TRIM2: variants seen among roughly 807,000 people sequenced by gnomAD.
TRIM2 encodes tripartite motif containing 2, also known as tripartite motif-containing protein 2.
A neutral mutation model predicts 75.2 loss-of-function variants in TRIM2; 20 were observed. The observed-to-expected ratio is 0.27, with a 90% confidence interval of 0.19 to 0.39. TRIM2 has a LOEUF of 0.39. Among genes scored for constraint, TRIM2 ranks in the 10% least tolerant of loss-of-function variants. The pLI, the probability that TRIM2 is intolerant of heterozygous loss-of-function variation, is 1.00. For synonymous variants in TRIM2, 373 were observed against 388.3 expected, an observed-to-expected ratio of 0.96 and a Z score of 0.46; for missense variants, 660 against 990.8, an observed-to-expected ratio of 0.67 and a Z score of 4.48.
chr4:153,321,983 A>C (rs2149554191), intron 8 of TRIM2, among the ~76,000 whole-genome samples: 1 of 152,340 alleles, frequency 6.6e-6, no homozygotes, highest in East Asian at 1.9e-4. Flanking sequence ...TAAAGCAAGC[A>C]ATGGAAGTAG....
chr4:153,244,121 A>ATCTTCT (rs895189975), intron 1 of TRIM2, among the ~76,000 whole-genome samples: 17 of 145,732 alleles, frequency 1.2e-4, no homozygotes, highest in African/African-American at 2.1e-4. Context: ...TGCCACTGCC[A>ATCTTCT]TCTTCTTCTT....
intron 1 of TRIM2, among the ~76,000 whole-genome samples, chr4:153,160,589 ATGTTTGTT>A (rs764210678): frequency 6.6e-6 from 1 of 151,494 alleles, no homozygotes. Flanking sequence ...GCTTCAAGGG[ATGTTTGTT>A]TGTTTGTTTG....
chr4:153,333,481 T>G (rs1250345595), intron 11 of TRIM2, among the ~76,000 whole-genome samples: 1 of 152,132 alleles, frequency 6.6e-6, no homozygotes, highest in Non-Finnish European at 1.5e-5. Context: ...GTACCATAAT[T>G]ATAGAAGATG....
intron 1 of TRIM2, among the ~76,000 whole-genome samples, chr4:153,174,240 C>T (rs1185772746): frequency 6.7e-6 from 1 of 148,656 alleles, no homozygotes; most frequent in Non-Finnish European, 1.5e-5. Flanking sequence ...GTGCCATTGA[C>T]TTAGAGTCAC....
intron 2 of TRIM2, among the ~76,000 whole-genome samples, chr4:153,272,829 TTTTG>T (rs72266656): frequency 0.33 from 49,274 of 151,454 alleles, 11,906 homozygotes; most frequent in African/African-American, 0.69. Flanking sequence ...AAATGGGGTT[TTTTG>T]TTTGTTTGTT....
chr4:153,164,095 T>G (rs1399925444), intron 1 of TRIM2, among the ~76,000 whole-genome samples: 2 of 152,222 alleles, frequency 1.3e-5, no homozygotes, highest in East Asian at 1.9e-4. Context: ...ATTCTAACTT[T>G]GTTTTAATAA....
chr4:153,165,296 G>C (rs1730186898), intron 1 of TRIM2, among the ~76,000 whole-genome samples: 1 of 152,092 alleles, frequency 6.6e-6, no homozygotes, highest in Non-Finnish European at 1.5e-5. Flanking sequence ...AGGATACATT[G>C]AAGGTAATTT....
At chr4:153,215,352 C>T (rs183090891) in intron 1 of TRIM2, among the ~76,000 whole-genome samples, 9 of 152,232 alleles carry the variant, frequency 5.9e-5, no homozygotes, top group Admixed American at 5.2e-4. Context: ...CTGGGGCATG[C>T]ACCCTGGGAT....
chr4:153,276,924 T>G (rs534310485), intron 3 of TRIM2, among the ~76,000 whole-genome samples: 1 of 152,364 alleles, frequency 6.6e-6, no homozygotes, highest in South Asian at 2.1e-4. Flanking sequence ...AATCATATAG[T>G]AGGATCTTGA....
upstream of TRIM2, among the ~76,000 whole-genome samples, chr4:153,202,578 A>G (rs999700135): frequency 2.6e-5 from 4 of 152,060 alleles, no homozygotes; most frequent in African/African-American, 9.7e-5. Context: ...ATGCGCCTGT[A>G]GTCCCAGCTA....
At chr4:153,202,478 C>T (rs1734465472), upstream of TRIM2, among the ~76,000 whole-genome samples, 1 of 151,970 alleles carries the variant, frequency 6.6e-6, no homozygotes, top group Non-Finnish European at 1.5e-5. Context: ...GGGCAGATCA[C>T]GAGGTCAGGA....
chr4:153,270,602 A>G, intron 2 of TRIM2, 83 bp downstream of exon 2: 3 of 1,256,454 alleles, frequency 2.4e-6, no homozygotes, highest in Non-Finnish European at 3.3e-6. Flanking sequence ...CCAGAATTCT[A>G]CAGTTACCTT....
chr4:153,304,424 A>G (rs1378212713), intron 6 of TRIM2, among the ~76,000 whole-genome samples: 1 of 152,018 alleles, frequency 6.6e-6, no homozygotes, highest in Non-Finnish European at 1.5e-5. Flanking sequence ...CCTTGAGATG[A>G]CATTTAAATT....
chr4:153,209,866 C>A (rs189564196), intron 1 of TRIM2, among the ~76,000 whole-genome samples: 1 of 152,136 alleles, frequency 6.6e-6, no homozygotes, highest in Admixed American at 6.5e-5. Flanking sequence ...AGAGACCTTC[C>A]AAGGATGGGT....
At chr4:153,276,730 G>A (rs565487215) in intron 3 of TRIM2, among the ~76,000 whole-genome samples, 26 of 152,310 alleles carry the variant, frequency 1.7e-4, no homozygotes, top group South Asian at 6.2e-4. Flanking sequence ...ATTGTGTAGC[G>A]TCTAAGGACA....
At chr4:153,187,712 A>G (rs1173877833) in intron 1 of TRIM2, among the ~76,000 whole-genome samples, 1 of 152,186 alleles carries the variant, frequency 6.6e-6, no homozygotes, top group African/African-American at 2.4e-5. Context: ...GGGCCCTGAC[A>G]AAGGGGAAGT....
chr4:153,201,773 A>C (rs1419300240), upstream of TRIM2, among the ~76,000 whole-genome samples: 1 of 152,196 alleles, frequency 6.6e-6, no homozygotes, highest in East Asian at 1.9e-4. Context: ...TTGGCTGCTC[A>C]TGGTGTCCTG....
upstream of TRIM2, among the ~76,000 whole-genome samples, chr4:153,200,724 A>ATATAT (rs1553961906): frequency 4.3e-5 from 6 of 138,144 alleles, 1 homozygote; most frequent in African/African-American, 5.3e-5. Flanking sequence ...AAGAAAAAAA[A>ATATAT]ATATATATAT....
intron 3 of TRIM2, among the ~76,000 whole-genome samples, chr4:153,276,528 T>C (rs776733514): frequency 7.9e-4 from 121 of 152,264 alleles, no homozygotes; most frequent in Non-Finnish European, 9.4e-4. Flanking sequence ...TTTCTCATGC[T>C]ACATTAGACC....
Sources: allele counts gnomAD v4.1 joint callset (sites outside exome capture counted in the v4.1 genomes callset), GRCh38; gene constraint gnomAD v4.1.1; transcripts MANE v1.5; gene names NCBI Gene and HGNC (gene_info 2026-07-23, HGNC 2026-07-21).